CACNA2D3: variants seen among roughly 807,000 people sequenced by gnomAD.
The protein encoded by CACNA2D3 is calcium voltage-gated channel auxiliary subunit alpha2delta 3.
In CACNA2D3, 60 loss-of-function variants were observed where a neutral mutation model predicts 160.6. That is an observed-to-expected ratio of 0.37 (90% CI 0.30 to 0.46). The LOEUF (loss-of-function observed/expected upper bound fraction) is 0.46. Ranked by LOEUF, CACNA2D3 falls within the 20% of genes least tolerant of loss-of-function variation. The probability of loss-of-function intolerance (pLI) is 1.00; values close to 1 mark genes in which losing one functional copy is unlikely to be tolerated. For missense variants in CACNA2D3, 1,205 were observed against 1,365.0 expected (o/e 0.88, Z 1.85); for synonymous variants, 558 against 492.9 (o/e 1.13, Z -1.75).
chr3:54,288,253 T>C (rs1183715895), intron 2 of CACNA2D3, among the ~76,000 whole-genome samples: 11 of 152,158 alleles, frequency 7.2e-5, no homozygotes, highest in East Asian at 3.9e-4. Context: ...CACCACCGAT[T>C]CCACAGAAAT....
At chr3:54,300,295 G>A (rs1012096794) in intron 2 of CACNA2D3, among the ~76,000 whole-genome samples, 2 of 152,220 alleles carry the variant, frequency 1.3e-5, no homozygotes, top group Non-Finnish European at 2.9e-5. Context: ...AGGATGTGAT[G>A]CCCTGTCACC....
At chr3:54,500,610 ATTTC>A (rs906253099) in intron 4 of CACNA2D3, among the ~76,000 whole-genome samples, 1 of 95,780 alleles carries the variant, frequency 1.0e-5, no homozygotes, top group Admixed American at 1.1e-4. Context: ...TTCTTTCCTT[ATTTC>A]TTTCTTTTTT....
At chr3:54,805,606 C>T (rs1332354900) in intron 13 of CACNA2D3, among the ~76,000 whole-genome samples, 1 of 152,130 alleles carries the variant, frequency 6.6e-6, no homozygotes, top group Non-Finnish European at 1.5e-5. Context: ...GATTCACAGC[C>T]GAATTCTACC....
chr3:54,227,544 G>T (rs939584435), intron 2 of CACNA2D3, among the ~76,000 whole-genome samples: 10 of 146,076 alleles, frequency 6.8e-5, no homozygotes, highest in East Asian at 6.1e-4. Flanking sequence ...TTCAGCTATT[G>T]TCCATGGCTT....
At chr3:54,317,126 C>A (rs553636079) in intron 2 of CACNA2D3, among the ~76,000 whole-genome samples, 2 of 152,292 alleles carry the variant, frequency 1.3e-5, no homozygotes, top group South Asian at 4.1e-4. Context: ...ATCTGGCAGG[C>A]AGCAAAGAGC....
At chr3:54,404,401 A>T (rs1699532549) in intron 4 of CACNA2D3, among the ~76,000 whole-genome samples, 1 of 152,218 alleles carries the variant, frequency 6.6e-6, no homozygotes, top group South Asian at 2.1e-4. Context: ...ATATAAACTG[A>T]TGCAGAAAAA....
intron 4 of CACNA2D3, among the ~76,000 whole-genome samples, chr3:54,406,441 G>T (rs913191634): frequency 7.9e-5 from 12 of 152,172 alleles, no homozygotes; most frequent in Admixed American, 3.9e-4. Context: ...TGTACAATGT[G>T]TGTACACATA....
intron 2 of CACNA2D3, among the ~76,000 whole-genome samples, chr3:54,292,464 C>T (rs6792199): frequency 0.21 from 32,341 of 151,748 alleles, 3,609 homozygotes; most frequent in East Asian, 0.32. Flanking sequence ...TACCAAAAAC[C>T]CTTACAGCTC....
At chr3:54,268,256 C>T (rs1702556977) in intron 2 of CACNA2D3, among the ~76,000 whole-genome samples, 1 of 152,146 alleles carries the variant, frequency 6.6e-6, no homozygotes, top group Admixed American at 6.5e-5. Flanking sequence ...CATGTGATGG[C>T]CATTCAGGGG....
chr3:54,522,515 C>G (rs1243384432), intron 5 of CACNA2D3, among the ~76,000 whole-genome samples: 2 of 152,178 alleles, frequency 1.3e-5, no homozygotes, highest in African/African-American at 4.8e-5. Context: ...ATGCCATTTC[C>G]TGAGTCTATT....
At chr3:54,747,159 G>T (rs11914640) in intron 11 of CACNA2D3, among the ~76,000 whole-genome samples, 29,645 of 151,808 alleles carry the variant, frequency 0.2, 3,135 homozygotes, top group African/African-American at 0.24. Context: ...TAAAGTGTTG[G>T]CCACAGCCTA....
chr3:55,001,306 C>T (rs556047309), intron 31 of CACNA2D3, among the ~76,000 whole-genome samples: 1 of 152,316 alleles, frequency 6.6e-6, no homozygotes, highest in South Asian at 2.1e-4. Context: ...CATCTTTCAG[C>T]CAGCTGGGTA....
At chr3:54,655,856 G>C (rs1266300745) in intron 11 of CACNA2D3, among the ~76,000 whole-genome samples, 1 of 152,180 alleles carries the variant, frequency 6.6e-6, no homozygotes, top group Non-Finnish European at 1.5e-5. Flanking sequence ...CCATTTTCTA[G>C]AGTAGTGGTC....
chr3:54,494,437 G>C (rs1701171316), intron 4 of CACNA2D3, among the ~76,000 whole-genome samples: 1 of 152,150 alleles, frequency 6.6e-6, no homozygotes, highest in South Asian at 2.1e-4. Context: ...TCTGCATTCT[G>C]GGCAGCGCAG....
At chr3:54,435,597 T>G (rs575573470) in intron 4 of CACNA2D3, among the ~76,000 whole-genome samples, 222 of 152,312 alleles carry the variant, frequency 1.5e-3, no homozygotes, top group African/African-American at 5.0e-3. Context: ...CTGCCACACC[T>G]TGGCAGGGGG....
chr3:54,917,922 A>G (rs1289645243), intron 27 of CACNA2D3, among the ~76,000 whole-genome samples: 1 of 151,126 alleles, frequency 6.6e-6, no homozygotes, highest in African/African-American at 2.4e-5. Context: ...ATTCCCAACC[A>G]ACAGCTTCCA....
chr3:54,864,685 A>G (rs1022348194), intron 17 of CACNA2D3, among the ~76,000 whole-genome samples: 3 of 152,186 alleles, frequency 2.0e-5, no homozygotes, highest in Non-Finnish European at 2.9e-5. Flanking sequence ...TTGACTGCCA[A>G]TGTGATTCTG....
intron 27 of CACNA2D3, chr3:54,924,822 ATGT>A (rs755301327): frequency 2.5e-6 from 4 of 1,614,070 alleles, no homozygotes; most frequent in Middle Eastern, 1.6e-4. Flanking sequence ...AAGGTGGCTT[ATGT>A]TGTTTGATGA....
At chr3:55,059,462 G>A (rs1704447612) in intron 35 of CACNA2D3, among the ~76,000 whole-genome samples, 1 of 152,166 alleles carries the variant, frequency 6.6e-6, no homozygotes, top group Non-Finnish European at 1.5e-5. Flanking sequence ...GTCTGTTCTG[G>A]CTGTGGCTGC....
Sources: allele counts gnomAD v4.1 joint callset (sites outside exome capture counted in the v4.1 genomes callset), GRCh38; gene constraint gnomAD v4.1.1; transcripts MANE v1.5; gene names NCBI Gene and HGNC (gene_info 2026-07-23, HGNC 2026-07-21).